The following MBTPS1 variants were observed in gnomAD, a reference collection of about 807,000 sequenced individuals.
MBTPS1 encodes the protein membrane-bound transcription factor site-1 protease.
A neutral mutation model predicts 127.8 loss-of-function variants in MBTPS1; 94 were observed. The ratio of observed to expected loss-of-function variants is 0.74; its 90% CI spans 0.62 to 0.87. The LOEUF is 0.87. Among genes scored for constraint, MBTPS1 ranks in the 40% least tolerant of loss-of-function variants. The pLI is 0.00. For synonymous variants in MBTPS1, 632 were observed against 509.4 expected (o/e 1.24, Z -3.24); for missense variants, 1,636 against 1,353.2 (o/e 1.21, Z -3.28).
chr16:84,107,026 T>G (rs1215781747), intron 1 of MBTPS1, among the ~76,000 whole-genome samples: 2 of 152,170 alleles, frequency 1.3e-5, no homozygotes, highest in Non-Finnish European at 2.9e-5. Flanking sequence ...AGCTGAGCTC[T>G]GAGCATGTTC....
chr16:84,055,770 C>T (rs189920208), intron 22 of MBTPS1, among the ~76,000 whole-genome samples: 4 of 152,330 alleles, frequency 2.6e-5, no homozygotes, highest in Admixed American at 1.3e-4. Flanking sequence ...AAAATAAATT[C>T]AAATGTGAAA....
At position 84,102,789 on chromosome 16, in the gene MBTPS1, C is replaced by A. The variant is rs573181587; in HGVS notation, c.-324-682G>T. ...ATTTCCCTATCAGTGATATTTAACA[C>A]CTTCTTTAAGAAACACTATGCTTTA... is the stretch of plus-strand genomic sequence containing the variant. On this transcript the variant is annotated intron_variant, in intron 1 of 22. Coordinates refer to ENST00000343411, the MANE Select transcript of MBTPS1 (RefSeq NM_003791.4). Among the ~76,000 whole-genome samples, 220 of 152,276 alleles carry A rather than the reference C, an allele frequency of 1.4e-3. 1 individual carries two copies. The highest frequency in any genetic ancestry group is 5.1e-3 in the African/African-American group (210 of 41,556).
chr16:84,080,545 A>C (rs912849929), intron 11 of MBTPS1, among the ~76,000 whole-genome samples: 5 of 152,234 alleles, frequency 3.3e-5, no homozygotes, highest in African/African-American at 7.2e-5. Flanking sequence ...CTGCTGGCTG[A>C]CACCCGCAGC....
intron 1 of MBTPS1, among the ~76,000 whole-genome samples, chr16:84,116,402 A>C: frequency 6.6e-6 from 1 of 152,214 alleles, no homozygotes; most frequent in African/African-American, 2.4e-5. Flanking sequence ...ACCTGACGCC[A>C]GCACTGCCCC....
chr16:84,061,046 G>A (rs2085603987), intron 19 of MBTPS1: 1 of 314,880 alleles, frequency 3.2e-6, no homozygotes, highest in East Asian at 6.2e-5. Context: ...TCAAACTCCT[G>A]GGCTCAAGTG....
chr16:84,093,060 GC>G, intron 6 of MBTPS1, 127 bp downstream of exon 6: 2 of 696,772 alleles, frequency 2.9e-6, no homozygotes, highest in Non-Finnish European at 5.2e-6. Context: ...GAGCATGCGT[GC>G]TGCAGTATGA....
rs7205403 is a variant in MBTPS1 at position 84,116,849 on chromosome 16, A to G, written c.-439T>C. ...CTCCCAACTCTCGCGAGACTGGGCG[A>G]CCGGGCCAGCGAGGCCCACAGCTGG... On this transcript the variant is annotated 5_prime_UTR_variant, in exon 1 of 23. Coordinates refer to ENST00000343411, the MANE Select transcript of MBTPS1 (RefSeq NM_003791.4). 0.45 allele frequency: 68,496 copies of G among 152,126 alleles called. 15,633 individuals are homozygous for G. Among genetic ancestry groups the G allele is most frequent in the East Asian group, 0.68 (3,477 of 5,138 alleles). 9.4% of individuals were successfully genotyped at this position (152,126 alleles called of 1,614,324 possible).
intron 9 of MBTPS1, among the ~76,000 whole-genome samples, chr16:84,085,701 A>G (rs961455521): frequency 6.6e-6 from 1 of 152,204 alleles, no homozygotes; most frequent in Non-Finnish European, 1.5e-5. Flanking sequence ...TGGCAAAGGC[A>G]TAAAGCAATT....
At chr16:84,093,656 T>G (rs1381457995) in intron 5 of MBTPS1, 55 bp downstream of exon 5, 1 of 1,207,854 alleles carries the variant, frequency 8.3e-7, no homozygotes, top group Non-Finnish European at 1.2e-6. Context: ...AATCATGCAC[T>G]AAACACACTC....
chr16:84,059,346 G>A lies in MBTPS1; in HGVS notation c.2787C>T (p.Arg929=), dbSNP rs202207322. 2.7e-5 allele frequency: 44 copies of A among 1,614,164 alleles called. No individual in the cohort carries two copies. The East Asian group carries it at 9.1e-4, about 34-fold the overall frequency. The change falls in exon 21 of 23, where the codon CGC becomes CGT. Residue 929 remains arginine, a synonymous_variant. Coordinates refer to ENST00000343411, the MANE Select transcript of MBTPS1 (RefSeq NM_003791.4). ...PKPRPLPACP[R]LSWAKPQPLN... ...AAGGCTGTGGCTTGGCCCAAGACAA[G>A]CGTGGACAGGCTGGTAGAGGCCGAG...
At chr16:84,073,096 C>T (rs1472513666) in intron 12 of MBTPS1, among the ~76,000 whole-genome samples, 1 of 152,168 alleles carries the variant, frequency 6.6e-6, no homozygotes, top group East Asian at 1.9e-4. Flanking sequence ...TCTATATAAA[C>T]AACCATTAAG....
rs2085483587 is a variant in MBTPS1 at position 84,054,333 on chromosome 16, A to C, written c.*116T>G. Reference sequence around the variant, plus strand: ...AGGCCCATGTAGAACAGACTCTAACAAACCTGCAGCTGGAAACTGGATCCC... The same window carrying C: ...AGGCCCATGTAGAACAGACTCTAACCAACCTGCAGCTGGAAACTGGATCCC... On this transcript the variant is annotated 3_prime_UTR_variant, in exon 23 of 23. Coordinates refer to ENST00000343411, the MANE Select transcript of MBTPS1 (RefSeq NM_003791.4). The C allele has an allele frequency of 1.1e-6, 1 of 940,266 alleles. No homozygotes were observed. Among genetic ancestry groups the C allele is most frequent in the Non-Finnish European group, 1.5e-6 (1 of 653,212 alleles). 58.2% of individuals were successfully genotyped at this position (940,266 alleles called of 1,614,324 possible).
chr16:84,084,503 A>G (rs1189982607), intron 10 of MBTPS1, among the ~76,000 whole-genome samples: 1 of 152,238 alleles, frequency 6.6e-6, no homozygotes, highest in Non-Finnish European at 1.5e-5. Context: ...CCTTTTTACT[A>G]TCTATATGTA....
At chr16:84,075,541 A>G (rs2085842817) in intron 11 of MBTPS1, 1 of 152,272 alleles carries the variant, frequency 6.6e-6, no homozygotes, top group South Asian at 2.1e-4. Flanking sequence ...CCTCCCTGAG[A>G]GCACCAGGCA....
intron 11 of MBTPS1, among the ~76,000 whole-genome samples, chr16:84,079,045 A>C (rs1015468062): frequency 2.0e-5 from 3 of 152,194 alleles, no homozygotes; most frequent in African/African-American, 7.2e-5. Flanking sequence ...TGGGTGGTTT[A>C]GCACCATCCC....
intron 18 of MBTPS1, among the ~76,000 whole-genome samples, chr16:84,063,760 A>C (rs1349976634): frequency 6.6e-6 from 1 of 152,046 alleles, no homozygotes; most frequent in African/African-American, 2.4e-5. Context: ...TAAAAAAAAA[A>C]CCTAAATTGT....
In MBTPS1 at chr16:84,116,917, G is replaced by C. The variant is rs1224107135; in HGVS notation, c.-507C>G. ...ACCCAGCGTGCCCTGTCTGTCCCGC[G>C]CTCCCGGGGCTTGCGTGCGCGCTCT... On this transcript the variant is annotated 5_prime_UTR_variant, in exon 1 of 23. Transcript: ENST00000343411. 1 of 152,234 alleles carries C rather than the reference G, an allele frequency of 6.6e-6. No homozygotes were observed. Among genetic ancestry groups the C allele is most frequent in the Non-Finnish European group, 1.5e-5 (1 of 68,040 alleles). 9.4% of individuals were successfully genotyped at this position (152,234 alleles called of 1,614,324 possible).
chr16:84,083,279 T>C (rs1403411232), intron 10 of MBTPS1, among the ~76,000 whole-genome samples: 2 of 152,236 alleles, frequency 1.3e-5, no homozygotes, highest in Non-Finnish European at 2.9e-5. Context: ...CCCTCCACTC[T>C]GTTCCTCACT....
intron 12 of MBTPS1, among the ~76,000 whole-genome samples, chr16:84,073,465 A>G (rs867776613): frequency 3.9e-5 from 6 of 152,090 alleles, no homozygotes; most frequent in Non-Finnish European, 7.4e-5. Context: ...TATAATGAGA[A>G]CCACCAAAAA....
Sources: allele counts gnomAD v4.1 joint callset (sites outside exome capture counted in the v4.1 genomes callset), GRCh38; gene constraint gnomAD v4.1.1; transcripts MANE v1.5; gene names NCBI Gene and HGNC (gene_info 2026-07-23, HGNC 2026-07-21).